DAPK1: variants seen among roughly 807,000 people sequenced by gnomAD.
DAPK1 encodes death-associated protein kinase 1.
In DAPK1, 56 loss-of-function variants were observed where a neutral mutation model predicts 144.9. That is an observed-to-expected ratio of 0.39 (90% CI 0.31 to 0.48). The LOEUF is 0.48. Ranked by LOEUF, DAPK1 falls within the 20% of genes least tolerant of loss-of-function variation. The pLI, the probability that DAPK1 is intolerant of heterozygous loss-of-function variation, is 0.95. For synonymous variants in DAPK1, 690 were observed against 749.0 expected, an observed-to-expected ratio of 0.92 and a Z score of 1.29; for missense variants, 1,454 against 1,875.4, an observed-to-expected ratio of 0.78 and a Z score of 4.15.
chr9:87,565,244 T>TGTAGAGAAAGAAAAAC (rs139945268), intron 2 of DAPK1, among the ~76,000 whole-genome samples: 7,480 of 152,038 alleles, frequency 0.049, 576 homozygotes, highest in African/African-American at 0.17. Flanking sequence ...GTGTCGAGGC[T>TGTAGAGAAAGAAAAAC]GTAGAGAAAG....
At chr9:87,632,049 T>C (rs1383276934) in intron 3 of DAPK1, 5 of 777,828 alleles carry the variant, frequency 6.4e-6, no homozygotes, top group Non-Finnish European at 7.8e-6. Flanking sequence ...TGAAGGAGGA[T>C]GAGTATATAT....
At position 87,601,955 on chromosome 9, in the gene DAPK1, G is replaced by T. The variant is rs1302582991; in HGVS notation, c.63-2999G>T. Among the ~76,000 whole-genome samples the T allele has an allele frequency of 2.6e-5, 4 of 152,286 alleles. No individual in the cohort carries two copies. The East Asian group carries it at 7.7e-4, about 29-fold the overall frequency. On this transcript the variant is annotated intron_variant, in intron 2 of 25. Coordinates refer to ENST00000408954, the MANE Select transcript of DAPK1 (RefSeq NM_004938.4). ...TGCATGGACTACATGAAGTAGGTCT[G>T]CACCCAGGGCCTCAGGAGATGTGAA...
intron 3 of DAPK1, among the ~76,000 whole-genome samples, chr9:87,626,819 A>G (rs1829509787): frequency 6.6e-6 from 1 of 152,238 alleles, no homozygotes; most frequent in Non-Finnish European, 1.5e-5. Context: ...AGATTGATGC[A>G]TAGACTCTGA....
intron 3 of DAPK1, among the ~76,000 whole-genome samples, chr9:87,636,952 G>A (rs1351689357): frequency 6.6e-6 from 1 of 152,100 alleles, no homozygotes; most frequent in Non-Finnish European, 1.5e-5. Flanking sequence ...TGGCTCTGGC[G>A]GGGAGTGGGG....
chr9:87,521,965 C>A (rs1261388690), intron 2 of DAPK1, among the ~76,000 whole-genome samples: 1 of 152,142 alleles, frequency 6.6e-6, no homozygotes, highest in Non-Finnish European at 1.5e-5. Flanking sequence ...GGAAGAGAGG[C>A]CCAAGCATAT....
chr9:87,671,869 G>A (rs1400416327), intron 19 of DAPK1, among the ~76,000 whole-genome samples: 1 of 152,152 alleles, frequency 6.6e-6, no homozygotes, highest in Non-Finnish European at 1.5e-5. Context: ...AGCACCCAGA[G>A]TCCAGTGAAA....
intron 1 of DAPK1, chr9:87,498,629 C>T: frequency 3.0e-6 from 1 of 333,236 alleles, no homozygotes; most frequent in Non-Finnish European, 5.4e-6. Context: ...TCCGCGGCGT[C>T]CCTGGAGGTG....
At chr9:87,501,321 C>G (rs1249214064) in intron 2 of DAPK1, among the ~76,000 whole-genome samples, 1 of 152,250 alleles carries the variant, frequency 6.6e-6, no homozygotes, top group Non-Finnish European at 1.5e-5. Context: ...GAGTTCAAGA[C>G]CAGCCTGGCT....
chr9:87,531,651 A>G (rs1162336163), intron 2 of DAPK1, among the ~76,000 whole-genome samples: 1 of 152,238 alleles, frequency 6.6e-6, no homozygotes, highest in Non-Finnish European at 1.5e-5. Context: ...AGTGTAGGGC[A>G]TTGAACTGTC....
chr9:87,502,483 G>A (rs1824439621), intron 2 of DAPK1, among the ~76,000 whole-genome samples: 1 of 152,094 alleles, frequency 6.6e-6, no homozygotes, highest in South Asian at 2.1e-4. Flanking sequence ...TTATCAGTTG[G>A]CACCTCGGGC....
intron 7 of DAPK1, 110 bp from the exon 8 acceptor site, chr9:87,640,188 A>G: frequency 9.1e-7 from 1 of 1,101,176 alleles, no homozygotes; most frequent in Non-Finnish European, 1.3e-6. Context: ...AACTGTGACT[A>G]TTCGAGCACC....
chr9:87,652,917 G>C (rs978963011), intron 17 of DAPK1, among the ~76,000 whole-genome samples: 1 of 138,638 alleles, frequency 7.2e-6, no homozygotes, highest in African/African-American at 2.6e-5. Flanking sequence ...TCCTGATTCT[G>C]TGTTCTCTCA....
intron 3 of DAPK1, among the ~76,000 whole-genome samples, chr9:87,608,892 A>C (rs1828825585): frequency 6.6e-6 from 1 of 152,046 alleles, no homozygotes; most frequent in Non-Finnish European, 1.5e-5. Flanking sequence ...CAGGCATCTG[A>C]GGGGTTGTGA....
At chr9:87,533,174 C>CA (rs1426967312) in intron 2 of DAPK1, among the ~76,000 whole-genome samples, 2 of 152,168 alleles carry the variant, frequency 1.3e-5, no homozygotes, top group African/African-American at 4.8e-5. Context: ...AATATATATA[C>CA]ACATGCGTGT....
chr9:87,574,652 G>T (rs1249391834), intron 2 of DAPK1, among the ~76,000 whole-genome samples: 1 of 152,206 alleles, frequency 6.6e-6, no homozygotes, highest in Non-Finnish European at 1.5e-5. Flanking sequence ...AGGCACGGTG[G>T]CTCCCGCCTG....
At chr9:87,654,756 G>A (rs1233023687) in intron 17 of DAPK1, among the ~76,000 whole-genome samples, 1 of 152,100 alleles carries the variant, frequency 6.6e-6, no homozygotes, top group Non-Finnish European at 1.5e-5. Flanking sequence ...TGCACCCAGG[G>A]GTCTACTATG....
chr9:87,675,893 A>ACACACACG (rs1157898314), intron 19 of DAPK1, among the ~76,000 whole-genome samples: 3 of 133,618 alleles, frequency 2.2e-5, no homozygotes, highest in Non-Finnish European at 5.0e-5. Context: ...ACACACACAC[A>ACACACACG]CACCCTTATG....
intron 3 of DAPK1, among the ~76,000 whole-genome samples, chr9:87,608,862 A>G (rs559326864): frequency 2.6e-5 from 4 of 152,126 alleles, no homozygotes; most frequent in South Asian, 4.2e-4. Context: ...GGAGCTGACT[A>G]TTTTTGCCTC....
At chr9:87,633,744 GGCTGA>G (rs1489545624) in intron 3 of DAPK1, among the ~76,000 whole-genome samples, 1 of 152,162 alleles carries the variant, frequency 6.6e-6, no homozygotes, top group Non-Finnish European at 1.5e-5. Flanking sequence ...AATTTCCATT[GGCTGA>G]GCCTAGTAAA....
Sources: allele counts gnomAD v4.1 joint callset (sites outside exome capture counted in the v4.1 genomes callset), GRCh38; gene constraint gnomAD v4.1.1; transcripts MANE v1.5; gene names NCBI Gene and HGNC (gene_info 2026-07-23, HGNC 2026-07-21).